The following NOL4 variants were observed in gnomAD, a reference collection of about 807,000 sequenced individuals.
The protein encoded by NOL4 is nucleolar protein 4.
NOL4 carries 17 observed loss-of-function variants against 75.9 expected under a neutral mutation model. The ratio of observed to expected loss-of-function variants is 0.22; its 90% CI spans 0.15 to 0.34. NOL4 has a LOEUF of 0.34. Ranked by LOEUF, NOL4 falls within the 10% of genes least tolerant of loss-of-function variation. The pLI, the probability that NOL4 is intolerant of heterozygous loss-of-function variation, is 1.00. For missense variants in NOL4, 614 were observed against 793.5 expected (o/e 0.77, Z 2.72); for synonymous variants, 292 against 289.9 (o/e 1.01, Z -0.07).
rs181498507 is a variant in NOL4, at chr18:33,930,555, T to C, written c.1542+12510A>G. ...AGTACCAGGAACTTTAGAGACCATG[T>C]GAGTAGATAGATGGTTGAGTGTAAA... is the stretch of plus-strand genomic sequence containing the variant. On this transcript the variant is annotated intron_variant, in intron 9 of 10. Transcript: ENST00000261592. 2.2e-3 allele frequency among the ~76,000 whole-genome samples: 342 copies of C among 152,300 alleles called. 1 individual carries two copies. The highest frequency in any genetic ancestry group is 7.7e-3 in the African/African-American group (320 of 41,562).
At chr18:34,015,436 A>G (rs2074629081) in intron 6 of NOL4, among the ~76,000 whole-genome samples, 1 of 151,982 alleles carries the variant, frequency 6.6e-6, no homozygotes, top group African/African-American at 2.4e-5. Flanking sequence ...TAGTTTAACA[A>G]TTTATATCAA....
intron 1 of NOL4, among the ~76,000 whole-genome samples, chr18:34,198,555 C>A (rs2035501048): frequency 6.6e-6 from 1 of 151,642 alleles, no homozygotes; most frequent in Admixed American, 6.6e-5. Context: ...ATGTATGAAT[C>A]CATCTTAGAA....
At chr18:34,048,942 T>G (rs1405210742) in intron 5 of NOL4, among the ~76,000 whole-genome samples, 1 of 152,034 alleles carries the variant, frequency 6.6e-6, no homozygotes, top group African/African-American at 2.4e-5. Context: ...ATTAAAAGCA[T>G]TTTGCTTACT....
chr18:33,988,555 T>C (rs959271054), intron 6 of NOL4, among the ~76,000 whole-genome samples: 2 of 152,040 alleles, frequency 1.3e-5, no homozygotes, highest in East Asian at 1.9e-4. Flanking sequence ...TTGTGGACTC[T>C]TGAAACACAA....
At chr18:34,207,327 G>T (rs2036194105) in intron 1 of NOL4, among the ~76,000 whole-genome samples, 1 of 151,800 alleles carries the variant, frequency 6.6e-6, no homozygotes, top group African/African-American at 2.4e-5. Flanking sequence ...AAATCCTCCA[G>T]AAAAAAAATA....
intron 5 of NOL4, among the ~76,000 whole-genome samples, chr18:34,042,054 A>C (rs545346859): frequency 6.8e-4 from 104 of 152,160 alleles, no homozygotes; most frequent in African/African-American, 2.4e-3. Context: ...TCAGGAGCAA[A>C]AAATGAAGAC....
intron 8 of NOL4, among the ~76,000 whole-genome samples, chr18:33,953,089 G>T (rs965567536): frequency 2.6e-5 from 4 of 151,822 alleles, no homozygotes; most frequent in African/African-American, 9.7e-5. Context: ...CCTGGATGTT[G>T]TAAGCATTCT....
intron 5 of NOL4, among the ~76,000 whole-genome samples, chr18:34,054,812 T>C (rs905891125): frequency 5.9e-5 from 9 of 151,806 alleles, no homozygotes; most frequent in Non-Finnish European, 1.3e-4. Context: ...CTTTTCTTTG[T>C]CTTTTGTTGA....
chr18:34,099,447 T>C (rs2078944138), intron 4 of NOL4, among the ~76,000 whole-genome samples: 2 of 151,246 alleles, frequency 1.3e-5, no homozygotes, highest in South Asian at 4.2e-4. Flanking sequence ...GTCACTTTCA[T>C]GAACTCTTCC....
chr18:33,951,048 C>T (rs1317959986), intron 8 of NOL4, among the ~76,000 whole-genome samples: 2 of 152,244 alleles, frequency 1.3e-5, no homozygotes, highest in Admixed American at 6.5e-5. Flanking sequence ...CAACAAGTAG[C>T]AACTGGAAAA....
At chr18:34,034,808 A>G (rs1323040234) in intron 5 of NOL4, among the ~76,000 whole-genome samples, 1 of 151,998 alleles carries the variant, frequency 6.6e-6, no homozygotes, top group African/African-American at 2.4e-5. Context: ...TTTACATCAG[A>G]TAAAATGTAC....
intron 5 of NOL4, among the ~76,000 whole-genome samples, chr18:34,090,119 CAGA>C (rs2078441890): frequency 6.6e-6 from 1 of 151,998 alleles, no homozygotes; most frequent in Non-Finnish European, 1.5e-5. Flanking sequence ...AGAAATTTTA[CAGA>C]AGGTTGTCAA....
chr18:34,076,504 C>T lies in NOL4; in HGVS notation c.772+16961G>A, dbSNP rs115705960. ...AAAGTTACCCTTAGACTTGAAAGAA[C>T]GATGAAAATGATATTCCTACTAAGC... On this transcript the variant is annotated intron_variant, in intron 5 of 10. Coordinates refer to ENST00000261592, the MANE Select transcript of NOL4 (RefSeq NM_003787.5). 1.4e-3 allele frequency among the ~76,000 whole-genome samples: 212 copies of T among 152,216 alleles called. 1 individual carries two copies. Among genetic ancestry groups the T allele is most frequent in the African/African-American group, 4.8e-3 (200 of 41,518 alleles).
intron 2 of NOL4, 88 bp from the exon 3 acceptor site, chr18:34,105,248 C>G: frequency 1.2e-6 from 1 of 835,952 alleles, no homozygotes; most frequent in Non-Finnish European, 2.0e-6. Context: ...CCAAATAAGA[C>G]ACGTTATTCC....
At chr18:34,040,484 T>G (rs2076094406) in intron 5 of NOL4, among the ~76,000 whole-genome samples, 1 of 152,022 alleles carries the variant, frequency 6.6e-6, no homozygotes, top group Admixed American at 6.6e-5. Context: ...TGAATATGTA[T>G]TTTTAAAACA....
intron 9 of NOL4, among the ~76,000 whole-genome samples, chr18:33,932,394 T>C (rs1599914895): frequency 6.6e-6 from 1 of 152,092 alleles, no homozygotes; most frequent in East Asian, 1.9e-4. Context: ...TTAATAGGCA[T>C]ATACCTATAA....
At chr18:34,010,082 C>T (rs772706109) in intron 6 of NOL4, among the ~76,000 whole-genome samples, 4 of 148,064 alleles carry the variant, frequency 2.7e-5, no homozygotes, top group Admixed American at 6.8e-5. Flanking sequence ...ACCCTAAGAT[C>T]GCCATTTTAA....
chr18:34,217,439 C>T (rs1343882260), intron 1 of NOL4, among the ~76,000 whole-genome samples: 3 of 151,846 alleles, frequency 2.0e-5, no homozygotes, highest in Non-Finnish European at 4.4e-5. Context: ...GGCACATGGC[C>T]ACACCCAGCT....
chr18:34,188,760 C>T (rs905964148), intron 1 of NOL4, among the ~76,000 whole-genome samples: 2 of 152,030 alleles, frequency 1.3e-5, no homozygotes, highest in African/African-American at 2.4e-5. Flanking sequence ...TATCATTTTC[C>T]CAACATTGTA....
Sources: allele counts gnomAD v4.1 joint callset (sites outside exome capture counted in the v4.1 genomes callset), GRCh38; gene constraint gnomAD v4.1.1; transcripts MANE v1.5; gene names NCBI Gene and HGNC (gene_info 2026-07-23, HGNC 2026-07-21).